The following APC variants were observed in gnomAD, a reference collection of about 807,000 sequenced individuals.
APC encodes the protein APC regulator of Wnt signaling pathway.
In APC, 72 loss-of-function variants were observed where a neutral mutation model predicts 247.0. The ratio of observed to expected loss-of-function variants is 0.29; its 90% CI spans 0.24 to 0.35. APC has a LOEUF of 0.35. Ranked by LOEUF, APC falls within the 10% of genes least tolerant of loss-of-function variation. The pLI, the probability that APC is intolerant of heterozygous loss-of-function variation, is 1.00. For missense variants in APC, 3,400 were observed against 3,360.7 expected, an observed-to-expected ratio of 1.01 and a Z score of -0.29; for synonymous variants, 1,254 against 1,162.5, an observed-to-expected ratio of 1.08 and a Z score of -1.60.
intron 1 of APC, among the ~76,000 whole-genome samples, chr5:112,738,995 G>A (rs145928269): frequency 5.6e-4 from 85 of 152,228 alleles, no homozygotes; most frequent in Middle Eastern, 3.4e-3. Context: ...ACTTTACAAC[G>A]TAAATTACTT....
rs75248404 is a variant in APC, at chr5:112,792,976, A to G, written c.729+447A>G. Among the ~76,000 whole-genome samples, 8,388 of 152,214 alleles carry G rather than the reference A, an allele frequency of 0.055. 427 individuals carry two copies. Among genetic ancestry groups the G allele is most frequent in the East Asian group, 0.14 (716 of 5,178 alleles). On this transcript the variant is annotated intron_variant, in intron 7 of 15. Transcript: ENST00000257430. ...AGTAAAATCCGTGGAGCTGGAAAGC[A>G]GGTAAACAAGTGATAACATTCTAGC...
intron 1 of APC, among the ~76,000 whole-genome samples, chr5:112,742,453 TGG>T (rs1753148850): frequency 6.6e-6 from 1 of 152,330 alleles, no homozygotes; most frequent in Admixed American, 6.5e-5. Flanking sequence ...CTTAGTTGGA[TGG>T]TCTGACTGAG....
At chr5:112,803,806 G>A (rs1761088190) in intron 8 of APC, among the ~76,000 whole-genome samples, 1 of 152,156 alleles carries the variant, frequency 6.6e-6, no homozygotes, top group Non-Finnish European at 1.5e-5. Flanking sequence ...TTTATGTAAA[G>A]ATCTAATTTT....
intron 11 of APC, among the ~76,000 whole-genome samples, chr5:112,822,708 A>G (rs1212894082): frequency 2.0e-5 from 3 of 152,152 alleles, no homozygotes; most frequent in Non-Finnish European, 4.4e-5. Flanking sequence ...GGATCTCTCT[A>G]GTCATGCCAC....
At chr5:112,755,487 G>A (rs1270501912) in intron 2 of APC, among the ~76,000 whole-genome samples, 1 of 152,204 alleles carries the variant, frequency 6.6e-6, no homozygotes, top group Non-Finnish European at 1.5e-5. Flanking sequence ...CTGAAAGTCA[G>A]TACCTGGTTC....
chr5:112,755,827 C>A (rs534370775), intron 2 of APC, among the ~76,000 whole-genome samples: 73 of 152,170 alleles, frequency 4.8e-4, no homozygotes, highest in Middle Eastern at 3.4e-3. Flanking sequence ...AATATTACTT[C>A]CACCGGGTGT....
chr5:112,782,710 T>A (rs1429893433), intron 6 of APC, among the ~76,000 whole-genome samples: 4 of 152,184 alleles, frequency 2.6e-5, no homozygotes, highest in African/African-American at 9.7e-5. Context: ...GTTTCTGATA[T>A]TAGAGTAGGA....
intron 1 of APC, among the ~76,000 whole-genome samples, chr5:112,710,607 C>T (rs1264710258): frequency 1.3e-5 from 2 of 152,134 alleles, no homozygotes; most frequent in Non-Finnish European, 2.9e-5. Flanking sequence ...CTGTTCAACT[C>T]TAGGAGGACG....
At chr5:112,819,686 A>T (rs1762917797) in intron 10 of APC, among the ~76,000 whole-genome samples, 1 of 152,212 alleles carries the variant, frequency 6.6e-6, no homozygotes. Flanking sequence ...AAGTGACTTT[A>T]CGTAAGTTCC....
intron 6 of APC, among the ~76,000 whole-genome samples, chr5:112,781,908 C>T (rs1163186384): frequency 1.3e-5 from 2 of 152,148 alleles, no homozygotes; most frequent in African/African-American, 2.4e-5. Context: ...CGTGCGCCAC[C>T]ATGCCCAGCT....
chr5:112,723,319 G>C (rs1326303967), intron 1 of APC, among the ~76,000 whole-genome samples: 1 of 152,050 alleles, frequency 6.6e-6, no homozygotes, highest in Non-Finnish European at 1.5e-5. Context: ...AAAATTAGTT[G>C]GGCATGGTGG....
intron 1 of APC, among the ~76,000 whole-genome samples, chr5:112,720,033 C>T (rs1751396296): frequency 6.6e-6 from 1 of 152,110 alleles, no homozygotes; most frequent in Non-Finnish European, 1.5e-5. Context: ...AATATGGAAG[C>T]CAAACAGATA....
At chr5:112,805,477 A>G (rs1335009729) in intron 8 of APC, among the ~76,000 whole-genome samples, 1 of 152,216 alleles carries the variant, frequency 6.6e-6, no homozygotes, top group Non-Finnish European at 1.5e-5. Context: ...AGTAGCAATC[A>G]TAGACTTGCC....
intron 8 of APC, among the ~76,000 whole-genome samples, chr5:112,803,987 C>G (rs1054528607): frequency 6.6e-6 from 1 of 151,858 alleles, no homozygotes; most frequent in Non-Finnish European, 1.5e-5. Context: ...AAGAGTATCT[C>G]ACAATATTTG....
intron 9 of APC, among the ~76,000 whole-genome samples, chr5:112,817,576 G>T (rs1366856322): frequency 6.6e-6 from 1 of 152,104 alleles, no homozygotes; most frequent in Non-Finnish European, 1.5e-5. Flanking sequence ...ACCTCAACAT[G>T]TAGTTTTTAC....
At chr5:112,787,316 C>T (rs949979156) in intron 6 of APC, among the ~76,000 whole-genome samples, 1 of 152,142 alleles carries the variant, frequency 6.6e-6, no homozygotes, top group African/African-American at 2.4e-5. Context: ...CTGACTGTTG[C>T]CCTAGCATAT....
upstream of APC, among the ~76,000 whole-genome samples, chr5:112,736,268 G>C (rs770927094): frequency 6.6e-6 from 1 of 152,152 alleles, no homozygotes; most frequent in Non-Finnish European, 1.5e-5. Context: ...CAAATATGAA[G>C]GGAAATTGTT....
chr5:112,770,777 T>C (rs1477876194), intron 4 of APC, among the ~76,000 whole-genome samples: 2 of 152,114 alleles, frequency 1.3e-5, no homozygotes, highest in Admixed American at 6.5e-5. Context: ...AGATGAAGAT[T>C]TGTTAAATTC....
intron 10 of APC, 43 bp downstream of exon 10, chr5:112,819,387 A>G (rs1749451451): frequency 1.2e-6 from 2 of 1,613,116 alleles, no homozygotes; most frequent in Admixed American, 3.3e-5. Flanking sequence ...GTTTCAAAGC[A>G]AATGTGAAAT....
Sources: allele counts gnomAD v4.1 joint callset (sites outside exome capture counted in the v4.1 genomes callset), GRCh38; gene constraint gnomAD v4.1.1; transcripts MANE v1.5; gene names NCBI Gene and HGNC (gene_info 2026-07-23, HGNC 2026-07-21).